The following HECW1 variants were observed in gnomAD, a reference collection of about 807,000 sequenced individuals.
HECW1 encodes the protein HECT, C2 and WW domain containing E3 ubiquitin protein ligase 1, also known as E3 ubiquitin-protein ligase HECW1.
In HECW1, 61 loss-of-function variants were observed where a neutral mutation model predicts 182.3. The ratio of observed to expected loss-of-function variants is 0.33; its 90% CI spans 0.27 to 0.41. The LOEUF (loss-of-function observed/expected upper bound fraction) is 0.41, where lower values mean the gene tolerates loss of function less well. HECW1 is among the 10% of genes least tolerant of loss of function. HECW1 has a pLI of 1.00. For synonymous variants in HECW1, 859 were observed against 832.6 expected, an observed-to-expected ratio of 1.03 and a Z score of -0.55; for missense variants, 1,739 against 2,108.9, an observed-to-expected ratio of 0.82 and a Z score of 3.44.
At position 43,476,551 on chromosome 7, in the gene HECW1, A is replaced by C. The variant is rs1355474116; in HGVS notation, c.3100-3059A>C. Among the ~76,000 whole-genome samples the C allele has an allele frequency of 3.3e-5, 5 of 152,298 alleles. No individual in the cohort carries two copies. The East Asian group carries it at 9.6e-4, about 29-fold the overall frequency. On this transcript the variant is annotated intron_variant, in intron 16 of 29. Transcript: ENST00000395891. ...AAATGAAAACAGACAAGAATATGTA[A>C]GAAAATATTGGAAAAGAAAGAGGAA...
At chr7:43,188,901 A>T (rs1349414239) in intron 2 of HECW1, among the ~76,000 whole-genome samples, 2 of 152,222 alleles carry the variant, frequency 1.3e-5, no homozygotes, top group Non-Finnish European at 2.9e-5. Context: ...TCATCGGGGA[A>T]TATCAATTAC....
At chr7:43,281,713 CTTTTTTTTTTTTTTTTT>C (rs55860415) in intron 3 of HECW1, among the ~76,000 whole-genome samples, 1 of 77,348 alleles carries the variant, frequency 1.3e-5, no homozygotes, top group South Asian at 5.4e-4. Flanking sequence ...TCTTTGCTTT[CTTTTTTTTTTTTTTTTT>C]TTTTTTTTTA....
chr7:43,241,612 ATGTATG>A (rs1554323952), intron 2 of HECW1: 5,166 of 115,006 alleles, frequency 0.045, 123 homozygotes, highest in Middle Eastern at 0.12. Flanking sequence ...TACTCTCCTA[ATGTATG>A]TGTGTGTGTG....
At chr7:43,288,644 G>C (rs1248888800) in intron 3 of HECW1, among the ~76,000 whole-genome samples, 1 of 152,244 alleles carries the variant, frequency 6.6e-6, no homozygotes, top group South Asian at 2.1e-4. Flanking sequence ...GACTCCCAGA[G>C]CCCAGGAGGA....
chr7:43,251,188 C>A (rs914627703), intron 3 of HECW1, among the ~76,000 whole-genome samples: 9 of 152,192 alleles, frequency 5.9e-5, no homozygotes, highest in Non-Finnish European at 1.0e-4. Flanking sequence ...GAGTCCCAGG[C>A]CAAGTCACAG....
intron 3 of HECW1, among the ~76,000 whole-genome samples, chr7:43,247,894 G>GAGGA (rs1304569870): frequency 2.3e-5 from 3 of 129,432 alleles, no homozygotes; most frequent in African/African-American, 6.1e-5. Flanking sequence ...GGGAGGGAGA[G>GAGGA]AGGAAGGAAG....
chr7:43,385,092 T>A (rs1433844210), intron 6 of HECW1, among the ~76,000 whole-genome samples: 1 of 151,660 alleles, frequency 6.6e-6, no homozygotes, highest in Non-Finnish European at 1.5e-5. Context: ...AGATCCTGAA[T>A]TCAAAGAAAC....
intron 3 of HECW1, chr7:43,274,530 C>G: frequency 8.6e-6 from 5 of 580,480 alleles, no homozygotes; most frequent in Non-Finnish European, 1.3e-5. Flanking sequence ...TCGCAGCCAA[C>G]AAGTGCCGCC....
rs933021486 is a variant in HECW1, at chr7:43,255,596, T to TGAA, written c.27+11664_27+11665insGAA. ...TGGGTGACAAGAGTGAAACTCTGTC[T>TGAA]AAAAAAAAAAAAAAAAACAAGATTT... On this transcript the variant is annotated intron_variant, in intron 3 of 29. Coordinates refer to ENST00000395891, the MANE Select transcript of HECW1 (RefSeq NM_015052.5). Among the ~76,000 whole-genome samples the TGAA allele has an allele frequency of 6.7e-4, 79 of 117,218 alleles. 1 individual carries two copies. The East Asian group carries it at 0.014, about 21-fold the overall frequency. The allele number at this position is 117,218 out of a possible 152,430, so 76.9% of individuals were successfully genotyped here. A position where few individuals can be genotyped will look rare whatever the true frequency, so the allele number is the denominator to read the frequency against.
chr7:43,158,122 A>G (rs1168382606), intron 2 of HECW1, among the ~76,000 whole-genome samples: 1 of 152,248 alleles, frequency 6.6e-6, no homozygotes, highest in African/African-American at 2.4e-5. Context: ...TGGAGTAGTC[A>G]CTGAAGAAAT....
intron 26 of HECW1, among the ~76,000 whole-genome samples, chr7:43,547,058 TA>T (rs1422544039): frequency 6.6e-6 from 1 of 152,218 alleles, no homozygotes; most frequent in East Asian, 1.9e-4. Context: ...CTTCTCTTCT[TA>T]TCTTGACATT....
At chr7:43,456,516 C>T in intron 13 of HECW1, 69 bp downstream of exon 13, 2 of 1,480,982 alleles carry the variant, frequency 1.4e-6, no homozygotes, top group Middle Eastern at 1.8e-4. Context: ...AGAGACGCTC[C>T]CCTTACACTT....
intron 3 of HECW1, among the ~76,000 whole-genome samples, chr7:43,292,176 G>A (rs1281739768): frequency 6.6e-6 from 1 of 152,184 alleles, no homozygotes; most frequent in East Asian, 1.9e-4. Context: ...TGCCAAAGAG[G>A]CATATTTTGG....
intron 2 of HECW1, among the ~76,000 whole-genome samples, chr7:43,182,506 G>T (rs766656066): frequency 2.6e-5 from 4 of 152,114 alleles, no homozygotes; most frequent in African/African-American, 4.8e-5. Context: ...TTGTTCCATT[G>T]GTCTACATGT....
At chr7:43,384,339 C>T (rs555279293) in intron 6 of HECW1, among the ~76,000 whole-genome samples, 2 of 152,258 alleles carry the variant, frequency 1.3e-5, no homozygotes, top group Admixed American at 6.5e-5. Flanking sequence ...ATCCCATGAT[C>T]CAGCAACCCA....
chr7:43,198,031 T>TAC (rs1379362499), intron 2 of HECW1, among the ~76,000 whole-genome samples: 5 of 151,264 alleles, frequency 3.3e-5, no homozygotes, highest in African/African-American at 1.2e-4. Flanking sequence ...TCCAACAACC[T>TAC]ACACATACAC....
intron 3 of HECW1, among the ~76,000 whole-genome samples, chr7:43,280,270 G>A (rs1803719590): frequency 6.6e-6 from 1 of 152,176 alleles, no homozygotes; most frequent in Non-Finnish European, 1.5e-5. Flanking sequence ...CATCGTGCAG[G>A]AGTGCAGGGT....
chr7:43,462,676 C>T (rs58417682), intron 13 of HECW1, among the ~76,000 whole-genome samples: 1,605 of 152,206 alleles, frequency 0.011, 35 homozygotes, highest in African/African-American at 0.037. Context: ...GCAGGGCGCC[C>T]TCTGGGGCTC....
intron 2 of HECW1, among the ~76,000 whole-genome samples, chr7:43,126,950 C>T (rs961197025): frequency 1.3e-5 from 2 of 152,138 alleles, no homozygotes; most frequent in African/African-American, 2.4e-5. Context: ...TTCCTTGCCT[C>T]GGGCCACCCT....
Sources: allele counts gnomAD v4.1 joint callset (sites outside exome capture counted in the v4.1 genomes callset), GRCh38; gene constraint gnomAD v4.1.1; transcripts MANE v1.5; gene names NCBI Gene and HGNC (gene_info 2026-07-23, HGNC 2026-07-21).